The following EBF4 variants were observed in gnomAD, a reference collection of about 807,000 sequenced individuals.
EBF4 encodes the protein EBF transcription factor 4.
In EBF4, 34 loss-of-function variants were observed where a neutral mutation model predicts 67.1. The observed-to-expected ratio is 0.51, with a 90% confidence interval of 0.39 to 0.67. The LOEUF (loss-of-function observed/expected upper bound fraction) is 0.67. Ranked by LOEUF, EBF4 falls within the 30% of genes least tolerant of loss-of-function variation. EBF4 has a pLI of 0.00. For synonymous variants in EBF4, 387 were observed against 377.7 expected (o/e 1.02, Z -0.29); for missense variants, 837 against 873.3 (o/e 0.96, Z 0.52).
intron 6 of EBF4, among the ~76,000 whole-genome samples, chr20:2,732,915 A>G (rs2087834051): frequency 6.6e-6 from 1 of 152,228 alleles, no homozygotes; most frequent in Non-Finnish European, 1.5e-5. Flanking sequence ...GGAAAACAAA[A>G]TCATTACAAA....
intron 6 of EBF4, among the ~76,000 whole-genome samples, chr20:2,727,644 C>G (rs1600223750): frequency 6.6e-6 from 1 of 152,130 alleles, no homozygotes; most frequent in African/African-American, 2.4e-5. Context: ...TTTGAAGAAC[C>G]ACCATACTGT....
chr20:2,733,309 C>G (rs2087838632), intron 6 of EBF4, among the ~76,000 whole-genome samples: 1 of 152,144 alleles, frequency 6.6e-6, no homozygotes, highest in African/African-American at 2.4e-5. Context: ...TTACTTCTCT[C>G]TCTCTCTCAT....
intron 1 of EBF4, among the ~76,000 whole-genome samples, chr20:2,700,816 A>G (rs908258580): frequency 6.6e-6 from 1 of 152,056 alleles, no homozygotes; most frequent in Non-Finnish European, 1.5e-5. Context: ...CACCTCCTGC[A>G]TGTTGGGGTC....
At chr20:2,732,837 C>T (rs868001023) in intron 6 of EBF4, among the ~76,000 whole-genome samples, 3 of 151,154 alleles carry the variant, frequency 2.0e-5, no homozygotes, top group South Asian at 4.2e-4. Flanking sequence ...TTTTTTGAGA[C>T]GGAATTATAA....
exon 10 of EBF4, chr20:2,749,919 T>C (rs2088115255): frequency 2.6e-6 from 4 of 1,551,204 alleles, no homozygotes; most frequent in Non-Finnish European, 3.5e-6. Context: ...GGTGACCCTC[T>C]CCTACAAGTC....
chr20:2,700,265 G>A (rs1025171265), intron 1 of EBF4, among the ~76,000 whole-genome samples: 7 of 151,880 alleles, frequency 4.6e-5, no homozygotes, highest in South Asian at 2.1e-4. Flanking sequence ...CAGTGTTTCC[G>A]AATCACTGCC....
Position 2,695,169 on chromosome 20 carries a change from C to T in EBF4, c.137+1387C>T, listed in dbSNP as rs539012131. Among the ~76,000 whole-genome samples, 8 of 152,012 alleles carry T rather than the reference C, an allele frequency of 5.3e-5. 1 individual carries two copies. In the South Asian group the frequency reaches 1.7e-3, roughly 32 times the overall value. ...AAGGTTAGTTTCTTAACATGGCCCC[C>T]TCTTTGGCCCCACCACCTGCTGTGT... On this transcript the variant is annotated intron_variant, in intron 1 of 16. Coordinates refer to ENST00000609451, the Ensembl canonical transcript of EBF4.
At position 2,757,667 on chromosome 20, in the gene EBF4, C is replaced by A. The variant is rs529830650; in HGVS notation, c.1739-1242C>A. Among the ~76,000 whole-genome samples, 155 of 152,310 alleles carry A rather than the reference C, an allele frequency of 1.0e-3. 1 individual carries two copies. Among genetic ancestry groups the A allele is most frequent in the African/African-American group, 3.3e-3 (136 of 41,560 alleles). On this transcript the variant is annotated intron_variant, in intron 15 of 16. Coordinates refer to ENST00000609451, the Ensembl canonical transcript of EBF4. ...TCAAAACATTAAGAACATAACATGG[C>A]CAGATGCAGTGGCTCACACGTGTAA...
At chr20:2,708,960 C>T (rs543162171) in intron 5 of EBF4, among the ~76,000 whole-genome samples, 13 of 152,212 alleles carry the variant, frequency 8.5e-5, no homozygotes, top group East Asian at 5.8e-4. Context: ...CCGAGGCGAG[C>T]GGATCACTTG....
At chr20:2,753,971 CCA>C (rs2088198493) in intron 14 of EBF4, among the ~76,000 whole-genome samples, 1 of 7,400 alleles carries the variant, frequency 1.4e-4, no homozygotes, top group African/African-American at 6.9e-4. Flanking sequence ...CCCCCTTGGG[CCA>C]ACACTGGTGG....
Position 2,696,824 on chromosome 20 carries a change from C to T in EBF4, c.137+3042C>T, listed in dbSNP as rs559585749. On this transcript the variant is annotated intron_variant, in intron 1 of 16. Transcript: ENST00000609451. This position sits in a 1 kb window ranked among gnomAD's most constrained non-coding sequence, Gnocchi z 4.7. ...ACGGGAGTGGCTTTAATGCTGCCTA[C>T]GAATGCTTACCATAGGCCAGCATCT... Among the ~76,000 whole-genome samples, 12 of 152,234 alleles carry T rather than the reference C, an allele frequency of 7.9e-5. No individual in the cohort carries two copies. The highest frequency in any genetic ancestry group is 2.2e-4 in the African/African-American group (9 of 41,552).
chr20:2,701,968 CTT>C (rs1379192225), intron 1 of EBF4, among the ~76,000 whole-genome samples: 3 of 152,206 alleles, frequency 2.0e-5, no homozygotes, highest in Admixed American at 2.0e-4. Flanking sequence ...CGAAAGCCCT[CTT>C]AGGGCTTCCC....
intron 1 of EBF4, among the ~76,000 whole-genome samples, chr20:2,697,400 C>T (rs1397560876): frequency 6.6e-6 from 1 of 151,974 alleles, no homozygotes; most frequent in Non-Finnish European, 1.5e-5. Flanking sequence ...AAAAAATTAG[C>T]CGGGCGTGGT....
chr20:2,755,899 T>C lies in EBF4; in HGVS notation c.1738+75T>C. The stretch of plus-strand genomic sequence containing the variant: ...GAGCAGCTGGGCTACAGGGGCCTGC[T>C]CTGTCCACATCTCACCAGTGCCTCA... On this transcript the variant is annotated intron_variant, in intron 15 of 16. Transcript: ENST00000609451. The surrounding 1 kb of genome is among the most constrained non-coding windows in gnomAD (Gnocchi z 4.7). 1 of 1,334,526 alleles carries C rather than the reference T, an allele frequency of 7.5e-7. No homozygotes were observed. Among genetic ancestry groups the C allele is most frequent in the Non-Finnish European group, 1.0e-6 (1 of 984,674 alleles). 82.7% of individuals were successfully genotyped at this position (1,334,526 alleles called of 1,614,324 possible). A position where few individuals can be genotyped will look rare whatever the true frequency, so the allele number is the denominator to read the frequency against.
At chr20:2,710,999 T>G (rs1200739941) in intron 6 of EBF4, among the ~76,000 whole-genome samples, 1 of 151,728 alleles carries the variant, frequency 6.6e-6, no homozygotes, top group Non-Finnish European at 1.5e-5. Flanking sequence ...CACACAAAAA[T>G]TAGCTGGGCA....
chr20:2,698,842 G>C (rs796176357), intron 1 of EBF4, among the ~76,000 whole-genome samples: 5 of 152,280 alleles, frequency 3.3e-5, no homozygotes, highest in African/African-American at 1.2e-4. Context: ...TATCAAGGCA[G>C]CCAGGAGTTA....
intron 6 of EBF4, among the ~76,000 whole-genome samples, chr20:2,720,423 CA>C (rs1162380601): frequency 2.2e-4 from 33 of 152,152 alleles, no homozygotes; most frequent in African/African-American, 5.5e-4. Flanking sequence ...TCTTTTTCTT[CA>C]TTTTTTTTCC....
intron 6 of EBF4, among the ~76,000 whole-genome samples, chr20:2,710,188 G>T (rs989296649): frequency 6.6e-6 from 1 of 151,954 alleles, no homozygotes; most frequent in African/African-American, 2.4e-5. Flanking sequence ...TTGTTTTGTC[G>T]CCCAGGCTAA....
At chr20:2,708,778 T>C (rs1189775930) in intron 5 of EBF4, among the ~76,000 whole-genome samples, 4 of 152,120 alleles carry the variant, frequency 2.6e-5, no homozygotes, top group Non-Finnish European at 5.9e-5. Context: ...TGGTTGGAAC[T>C]GTGGCTACCC....
Sources: gnomAD v4.1 joint callset for allele counts (sites outside exome capture counted in the v4.1 genomes callset) on GRCh38, gnomAD v4.1.1 for gene constraint, Gnocchi (gnomAD v3.1) non-coding constraint, MANE v1.5 for transcripts, NCBI Gene and HGNC (gene_info 2026-07-23, HGNC 2026-07-21) for gene names.